Variants in ADGRD1 observed in about 807,000 individuals in gnomAD.
ADGRD1 encodes adhesion G protein-coupled receptor D1, also known as G-protein coupled receptor 133.
Under a neutral mutation model 113.4 loss-of-function variants are expected in ADGRD1, and 77 were observed. The ratio of observed to expected loss-of-function variants is 0.68; its 90% CI spans 0.57 to 0.82. The LOEUF (loss-of-function observed/expected upper bound fraction) is 0.82. ADGRD1 is among the 40% of genes least tolerant of loss of function. ADGRD1 has a pLI of 0.00. For synonymous variants in ADGRD1, 474 were observed against 475.0 expected, an observed-to-expected ratio of 1.00 and a Z score of 0.03; for missense variants, 1,036 against 1,139.1, an observed-to-expected ratio of 0.91 and a Z score of 1.30.
rs116343394 is a variant in ADGRD1, at chr12:131,133,668, C to G, written c.2267+1852C>G. On this transcript the variant is annotated intron_variant, in intron 21 of 24. Coordinates refer to ENST00000261654, the MANE Select transcript of ADGRD1 (RefSeq NM_198827.5). ...CCATTGTGCAACCCAGCACATTTCC[C>G]AATGCCTTCAGCTCCTCTCCTTTGG... Among the ~76,000 whole-genome samples the G allele has an allele frequency of 4.6e-3, 696 of 152,334 alleles. 3 individuals carry two copies. The highest frequency in any genetic ancestry group is 0.016 in the African/African-American group (649 of 41,574).
intron 3 of ADGRD1, chr12:130,967,877 G>A (rs1375161068): frequency 2.0e-5 from 3 of 152,236 alleles, no homozygotes; most frequent in Non-Finnish European, 4.4e-5. Flanking sequence ...TTTCCAAAGG[G>A]TCGGCCTGGC....
chr12:131,121,572 G>A (rs1950594299), intron 20 of ADGRD1, among the ~76,000 whole-genome samples: 1 of 152,170 alleles, frequency 6.6e-6, no homozygotes, highest in South Asian at 2.1e-4. Flanking sequence ...TAGAGACGGG[G>A]TTTCACCGTG....
At chr12:130,991,221 GA>G (rs980106679) in intron 7 of ADGRD1, 143 bp downstream of exon 7, 2 of 624,330 alleles carry the variant, frequency 3.2e-6, no homozygotes. Context: ...AAATGGAGGG[GA>G]AGCCAACTGC....
At chr12:131,088,084 C>T (rs1475903515) in intron 15 of ADGRD1, among the ~76,000 whole-genome samples, 1 of 152,154 alleles carries the variant, frequency 6.6e-6, no homozygotes, top group East Asian at 1.9e-4. Context: ...TAGGGAGCAG[C>T]CCAGGGGAGA....
intron 8 of ADGRD1, among the ~76,000 whole-genome samples, chr12:130,999,584 C>A (rs1389455363): frequency 6.6e-6 from 1 of 152,094 alleles, no homozygotes; most frequent in East Asian, 1.9e-4. Context: ...GTTCGGTCAG[C>A]CTCTAAGTTT....
intron 18 of ADGRD1, among the ~76,000 whole-genome samples, chr12:131,117,309 C>A (rs1950490192): frequency 6.6e-6 from 1 of 152,288 alleles, no homozygotes; most frequent in Non-Finnish European, 1.5e-5. Flanking sequence ...TAATAGAAAT[C>A]CAACTTGAAC....
At chr12:131,093,872 C>A (rs560703352) in intron 15 of ADGRD1, among the ~76,000 whole-genome samples, 33 of 152,308 alleles carry the variant, frequency 2.2e-4, no homozygotes, top group African/African-American at 7.7e-4. Context: ...TGGGTGGGAC[C>A]CTTTCCTTGT....
At chr12:130,990,645 T>C (rs540042064) in intron 6 of ADGRD1, 11 of 195,344 alleles carry the variant, frequency 5.6e-5, no homozygotes, top group Non-Finnish European at 9.5e-5. Flanking sequence ...CAGCGAGTTG[T>C]AGCACTCCTC....
At chr12:131,121,255 C>T (rs777890241) in intron 20 of ADGRD1, among the ~76,000 whole-genome samples, 3 of 152,216 alleles carry the variant, frequency 2.0e-5, no homozygotes, top group Non-Finnish European at 2.9e-5. Flanking sequence ...GCTCCTTGCT[C>T]AGGAGTCACC....
intron 2 of ADGRD1, among the ~76,000 whole-genome samples, chr12:130,961,808 A>C (rs1221225260): frequency 1.3e-5 from 2 of 152,112 alleles, no homozygotes; most frequent in African/African-American, 4.8e-5. Context: ...CTAACATTAA[A>C]ATTTTGATAG....
At chr12:131,010,261 G>A (rs1474870366) in intron 12 of ADGRD1, among the ~76,000 whole-genome samples, 2 of 152,160 alleles carry the variant, frequency 1.3e-5, no homozygotes, top group Non-Finnish European at 2.9e-5. Context: ...GAATTCTCGC[G>A]CTGAGGGAAG....
intron 18 of ADGRD1, among the ~76,000 whole-genome samples, chr12:131,114,678 A>T (rs1233104314): frequency 6.6e-6 from 1 of 151,584 alleles, no homozygotes; most frequent in Non-Finnish European, 1.5e-5. Flanking sequence ...TGCAGATTTC[A>T]TCCTGGCCTT....
In ADGRD1 at chr12:131,075,101, T is replaced by C. The variant is rs1056513756; in HGVS notation, c.1474-1700T>C. 2.6e-5 allele frequency among the ~76,000 whole-genome samples: 4 copies of C among 152,198 alleles called. No homozygotes were observed. Among genetic ancestry groups the C allele is most frequent in the African/African-American group, 9.7e-5 (4 of 41,446 alleles). On this transcript the variant is annotated intron_variant, in intron 13 of 24. Coordinates refer to ENST00000261654, the MANE Select transcript of ADGRD1 (RefSeq NM_198827.5). This position sits in a 1 kb window ranked among gnomAD's most constrained non-coding sequence, Gnocchi z 5.3. Reference sequence around the variant, plus strand: ...AAGCCTTGCCACGTGTTGATGTGTATGGGTCTGGCTGCTGGCTTCCCCAGG... The same window carrying C: ...AAGCCTTGCCACGTGTTGATGTGTACGGGTCTGGCTGCTGGCTTCCCCAGG...
rs1354249088 is a variant in ADGRD1, at chr12:131,060,049, T to G, written c.1474-16752T>G. Among the ~76,000 whole-genome samples the G allele has an allele frequency of 2.6e-5, 4 of 152,390 alleles. No homozygotes were observed. The highest frequency in any genetic ancestry group is 1.9e-4 in the East Asian group (1 of 5,184). On this transcript the variant is annotated intron_variant, in intron 13 of 24. Coordinates refer to ENST00000261654, the MANE Select transcript of ADGRD1 (RefSeq NM_198827.5). The surrounding 1 kb of genome is among the most constrained non-coding windows in gnomAD (Gnocchi z 4.4). ...ATACCCACCACTGGGAAGGGCCATG[T>G]GCCGCAGTACTGCGGCGTGGGGGTG... is the stretch of plus-strand genomic sequence containing the variant.
At chr12:131,059,636 A>C (rs1884156320) in intron 13 of ADGRD1, among the ~76,000 whole-genome samples, 1 of 152,246 alleles carries the variant, frequency 6.6e-6, no homozygotes, top group Admixed American at 6.5e-5. Context: ...TGACGCTCAA[A>C]GGAACTGCTC....
rs1874350274 is a variant in ADGRD1 at position 130,991,275 on chromosome 12, T to C, written c.810+197T>C. 6.1e-6 allele frequency: 3 copies of C among 489,604 alleles called. No homozygotes were observed. In the Admixed American group the frequency reaches 1.1e-4, roughly 18 times the overall value. 30.3% of individuals were successfully genotyped at this position (489,604 alleles called of 1,614,324 possible). A position where few individuals can be genotyped will look rare whatever the true frequency, so the allele number is the denominator to read the frequency against. On this transcript the variant is annotated intron_variant, in intron 7 of 24. Transcript: ENST00000261654. ...CTAAGAGTGACTGAAGGGAAAACTC[T>C]CAACTCCTGCCACCAGGAACCTCAG...
intron 13 of ADGRD1, among the ~76,000 whole-genome samples, chr12:131,042,364 C>A (rs1032144180): frequency 6.6e-6 from 1 of 152,222 alleles, no homozygotes; most frequent in Non-Finnish European, 1.5e-5. Flanking sequence ...CCCCAGCCCC[C>A]TGAGCCGCGT....
chr12:131,129,529 C>CAGCCCCGCCCTGCTGTCTT, intron 20 of ADGRD1, among the ~76,000 whole-genome samples: 1 of 144,564 alleles, frequency 6.9e-6, no homozygotes, highest in African/African-American at 2.7e-5. Flanking sequence ...CCTGCTGTCT[C>CAGCCCCGCCCTGCTGTCTT]GGTGTGGACG....
chr12:130,960,550 A>G (rs1754582077), intron 2 of ADGRD1, among the ~76,000 whole-genome samples: 1 of 125,408 alleles, frequency 8.0e-6, no homozygotes, highest in African/African-American at 2.9e-5. Flanking sequence ...TTCTATGTTT[A>G]TTGATTTATT....
Sources: allele counts gnomAD v4.1 joint callset (sites outside exome capture counted in the v4.1 genomes callset), GRCh38; gene constraint gnomAD v4.1.1; non-coding constraint Gnocchi (gnomAD v3.1); transcripts MANE v1.5; gene names NCBI Gene and HGNC (gene_info 2026-07-23, HGNC 2026-07-21).